Variants in KATNIP observed in about 807,000 individuals in gnomAD.
KATNIP encodes the protein katanin interacting protein, also known as katanin-interacting protein.
In KATNIP, 126 loss-of-function variants were observed where a neutral mutation model predicts 174.0. The ratio of observed to expected loss-of-function variants is 0.72; its 90% confidence interval spans 0.63 to 0.84. KATNIP has a LOEUF of 0.84. Among genes scored for constraint, KATNIP ranks in the 40% least tolerant of loss-of-function variants. The pLI is 0.00. For missense variants in KATNIP, 1,958 were observed against 2,109.7 expected (o/e 0.93, Z 1.41); for synonymous variants, 810 against 835.7 (o/e 0.97, Z 0.53).
intron 2 of KATNIP, among the ~76,000 whole-genome samples, chr16:27,585,288 TGGCGA>T (rs564038366): frequency 0.012 from 1,833 of 152,292 alleles, 50 homozygotes; most frequent in African/African-American, 0.041. Flanking sequence ...AAACAAATAC[TGGCGA>T]GGATACAGAG....
chr16:27,593,326 C>T (rs1407490733), intron 2 of KATNIP, among the ~76,000 whole-genome samples: 1 of 149,576 alleles, frequency 6.7e-6, no homozygotes, highest in East Asian at 2.0e-4. Flanking sequence ...GCAACCTCCA[C>T]CTCCCGGGTT....
intron 2 of KATNIP, among the ~76,000 whole-genome samples, chr16:27,601,218 C>A (rs2075513174): frequency 6.6e-6 from 1 of 152,118 alleles, no homozygotes; most frequent in Non-Finnish European, 1.5e-5. Flanking sequence ...AACTGGGAGA[C>A]ACAGCAGTGA....
chr16:27,631,065 A>T lies in KATNIP; in HGVS notation c.311A>T (p.Asp104Val), dbSNP rs1295178701. 1 of 1,563,838 alleles carries T rather than the reference A, an allele frequency of 6.4e-7. No homozygotes were observed. The highest frequency in any genetic ancestry group is 8.7e-7 in the Non-Finnish European group (1 of 1,152,834). Residue 104 changes from aspartate (D) to valine (V), a missense_variant and splice_region_variant, in exon 5 of 28, where the codon GAT becomes GTT. Asp to Val is a radical substitution (Grantham distance 152, BLOSUM62 -3). Coordinates refer to ENST00000261588, the MANE Select transcript of KATNIP (RefSeq NM_015202.5). ...TCTCCTTCCCTCGTCTCTGGTGCAG[A>T]TTATGGACGAAGAACTCTGTTTCGA... ...RSASHTEGTH[D>V]YGRRTLFREA... is the part of the protein sequence containing the mutation.
intron 5 of KATNIP, chr16:27,644,292 G>T (rs917697210): frequency 6.6e-6 from 1 of 152,094 alleles, no homozygotes; most frequent in African/African-American, 2.4e-5. Flanking sequence ...ATAGTGCTGG[G>T]ATTACAGGCA....
chr16:27,761,328 G>A (rs1210467280), intron 18 of KATNIP, 85 bp from the exon 19 acceptor site: 16 of 1,382,572 alleles, frequency 1.2e-5, no homozygotes, highest in African/African-American at 1.0e-4. Flanking sequence ...TATAGAGGCC[G>A]AATAGCATTC....
In KATNIP at chr16:27,637,170, CTGT is replaced by C. The variant is rs1174413741; in HGVS notation, c.408+6016_408+6018del. Among the ~76,000 whole-genome samples, 7 of 152,186 alleles carry C rather than the reference CTGT, an allele frequency of 4.6e-5. No individual in the cohort carries two copies. Among genetic ancestry groups the C allele is most frequent in the African/African-American group, 1.2e-4 (5 of 41,448 alleles). On this transcript the variant is annotated intron_variant, in intron 5 of 27. Coordinates refer to ENST00000261588, the MANE Select transcript of KATNIP (RefSeq NM_015202.5). This position sits in a 1 kb window ranked among gnomAD's most constrained non-coding sequence, Gnocchi z 4.7. Reference sequence around the variant, plus strand: ...CAGGAGAAATAGTGAATGGTGCTGCCTGTTGTTGTTTTAATCACAGAGGGGCAG... The same window carrying C: ...CAGGAGAAATAGTGAATGGTGCTGCCTGTTGTTTTAATCACAGAGGGGCAG...
intron 18 of KATNIP, among the ~76,000 whole-genome samples, chr16:27,757,756 C>T (rs2081793233): frequency 6.6e-6 from 1 of 152,230 alleles, no homozygotes; most frequent in Admixed American, 6.5e-5. Context: ...TCAAAATCCT[C>T]AACCTGCTTC....
Position 27,615,852 on chromosome 16 carries a change from G to T in KATNIP, c.64-2573G>T, listed in dbSNP as rs542772649. Among the ~76,000 whole-genome samples the T allele has an allele frequency of 8.5e-5, 13 of 152,202 alleles. No homozygotes were observed. In the East Asian group the frequency reaches 2.1e-3, roughly 25 times the overall value. ...GGGTAGGGTTCTAATAGAATAATGG[G>T]GCTAGAGCCATATTTTGAGAAGTTA... On this transcript the variant is annotated intron_variant, in intron 2 of 27. Transcript: ENST00000261588.
At chr16:27,670,729 C>G (rs1330861519) in intron 6 of KATNIP, among the ~76,000 whole-genome samples, 3 of 152,128 alleles carry the variant, frequency 2.0e-5, no homozygotes, top group Admixed American at 6.5e-5. Context: ...CGCCACTCCT[C>G]TAGGGAATTT....
chr16:27,694,349 C>T (rs2078842514), intron 8 of KATNIP, among the ~76,000 whole-genome samples: 1 of 152,162 alleles, frequency 6.6e-6, no homozygotes, highest in African/African-American at 2.4e-5. Context: ...AGAATGGAAG[C>T]ATGCTGTTTT....
At chr16:27,732,696 G>A (rs572174477) in intron 14 of KATNIP, among the ~76,000 whole-genome samples, 1 of 152,324 alleles carries the variant, frequency 6.6e-6, no homozygotes, top group Admixed American at 6.5e-5. Flanking sequence ...CACTCTGGGT[G>A]ACAGCACCTC....
intron 5 of KATNIP, among the ~76,000 whole-genome samples, chr16:27,632,039 A>G (rs1416756282): frequency 6.6e-6 from 1 of 152,236 alleles, no homozygotes; most frequent in East Asian, 1.9e-4. Flanking sequence ...AAGTTCAGTG[A>G]GTTTTCCAAG....
At chr16:27,714,467 G>A (rs968039707) in intron 13 of KATNIP, among the ~76,000 whole-genome samples, 1 of 151,924 alleles carries the variant, frequency 6.6e-6, no homozygotes, top group Non-Finnish European at 1.5e-5. Flanking sequence ...TAGACTCACA[G>A]GAATTTGTAA....
At chr16:27,670,382 C>A (rs1259802458) in intron 6 of KATNIP, among the ~76,000 whole-genome samples, 2 of 152,234 alleles carry the variant, frequency 1.3e-5, no homozygotes, top group Non-Finnish European at 2.9e-5. Context: ...TACCATTAGA[C>A]CTTTGATCAC....
At chr16:27,735,017 G>A (rs1237335764) in intron 14 of KATNIP, among the ~76,000 whole-genome samples, 1 of 152,232 alleles carries the variant, frequency 6.6e-6, no homozygotes, top group Admixed American at 6.5e-5. Flanking sequence ...CCAGAGAAGT[G>A]ACTAATATTC....
chr16:27,741,879 G>A (rs999580585), intron 15 of KATNIP, among the ~76,000 whole-genome samples: 2 of 152,126 alleles, frequency 1.3e-5, no homozygotes, highest in East Asian at 1.9e-4. Context: ...TCCAGCCTGG[G>A]CAAGAGAGTG....
At chr16:27,653,321 G>A (rs2077172462) in intron 6 of KATNIP, among the ~76,000 whole-genome samples, 1 of 152,198 alleles carries the variant, frequency 6.6e-6, no homozygotes, top group South Asian at 2.1e-4. Flanking sequence ...GGCATGGGGT[G>A]AGTCTGGTTT....
At position 27,552,838 on chromosome 16, in the gene KATNIP, G is replaced by T. The variant is rs556712403; in HGVS notation, c.7+2661G>T. Among the ~76,000 whole-genome samples the T allele has an allele frequency of 2.0e-3, 305 of 152,168 alleles. 2 individuals carry two copies. Among genetic ancestry groups the T allele is most frequent in the Non-Finnish European group, 2.5e-3 (169 of 68,014 alleles). On this transcript the variant is annotated intron_variant, in intron 1 of 27. Transcript: ENST00000261588. ...GCCTCCCAAGTAGCTGGGATTACAGGCATGTGCCACCACGCTCAGCTAATT... is the reference window on the plus strand; with the variant it reads ...GCCTCCCAAGTAGCTGGGATTACAGTCATGTGCCACCACGCTCAGCTAATT...
chr16:27,775,478 C>T (rs968737503), intron 24 of KATNIP, among the ~76,000 whole-genome samples: 1 of 152,212 alleles, frequency 6.6e-6, no homozygotes, highest in Admixed American at 6.5e-5. Flanking sequence ...GGTTTCTGCC[C>T]CTTCCTACAT....
Sources: allele counts gnomAD v4.1 joint callset (sites outside exome capture counted in the v4.1 genomes callset), GRCh38; gene constraint gnomAD v4.1.1; non-coding constraint Gnocchi (gnomAD v3.1); transcripts MANE v1.5; gene names NCBI Gene and HGNC (gene_info 2026-07-23, HGNC 2026-07-21).